Variants in CDC73 observed in about 807,000 individuals in gnomAD.
The protein encoded by CDC73 is parafibromin.
A neutral mutation model predicts 83.7 loss-of-function variants in CDC73; 21 were observed. The ratio of observed to expected loss-of-function variants is 0.25; its 90% confidence interval spans 0.18 to 0.36. CDC73 has a LOEUF of 0.36. Ranked by LOEUF, CDC73 falls within the 10% of genes least tolerant of loss-of-function variation. The probability of loss-of-function intolerance (pLI) is 1.00; values close to 1 mark genes in which losing one functional copy is unlikely to be tolerated. For missense variants in CDC73, 342 were observed against 653.3 expected (o/e 0.52, Z 5.19); for synonymous variants, 224 against 212.9 (o/e 1.05, Z -0.45).
chr1:193,198,176 A>G (rs1429213944), intron 10 of CDC73, among the ~76,000 whole-genome samples: 1 of 152,178 alleles, frequency 6.6e-6, no homozygotes, highest in African/African-American at 2.4e-5. Flanking sequence ...TCTGATGGGA[A>G]GTAAAGTACC....
rs771409544 is a variant in CDC73, at chr1:193,236,280, G to A, written c.1341G>A (p.Val447=). The change falls in exon 15 of 17, where the codon GTG becomes GTA. Residue 447 remains valine, a synonymous_variant. Coordinates refer to ENST00000367435, the MANE Select transcript of CDC73 (RefSeq NM_024529.5). ...GGGACCGCGTTGTAGCCGTTTTTGT[G>A]CAGGGTCCTGCATGGCAGTTCAAAG... ...QDWDRVVAVF[V]QGPAWQFKGW... is the part of the protein sequence containing the mutation. 1.9e-6 allele frequency: 3 copies of A among 1,613,848 alleles called. No homozygotes were observed. Among genetic ancestry groups the A allele is most frequent in the Admixed American group, 1.7e-5 (1 of 60,020 alleles).
intron 13 of CDC73, among the ~76,000 whole-genome samples, chr1:193,229,012 T>C (rs1473724747): frequency 6.6e-6 from 1 of 152,102 alleles, no homozygotes; most frequent in East Asian, 1.9e-4. Context: ...TGAAAAAAAT[T>C]CTCAGTATCA....
In CDC73 at chr1:193,147,632, G is replaced by A. The variant is rs1408560019; in HGVS notation, c.730-235G>A. Among the ~76,000 whole-genome samples, 5 of 152,028 alleles carry A rather than the reference G, an allele frequency of 3.3e-5. 1 individual carries two copies. Among genetic ancestry groups the A allele is most frequent in the South Asian group, 4.1e-4 (2 of 4,836 alleles). Reference sequence around the variant, plus strand: ...ATCTGCCTGCCTTGGCCTCCCGAATGTAGCAGTTTAAGTAAAATGAAAATG... The same window carrying A: ...ATCTGCCTGCCTTGGCCTCCCGAATATAGCAGTTTAAGTAAAATGAAAATG... On this transcript the variant is annotated intron_variant, in intron 7 of 16. Transcript: ENST00000367435.
At chr1:193,205,204 C>CG (rs1357811031) in intron 11 of CDC73, among the ~76,000 whole-genome samples, 9 of 122,382 alleles carry the variant, frequency 7.4e-5, no homozygotes, top group Admixed American at 3.2e-4. Flanking sequence ...GTCCCCCCCC[C>CG]CCCCTTTTTT....
intron 13 of CDC73, among the ~76,000 whole-genome samples, chr1:193,225,928 A>C (rs1395392534): frequency 6.6e-6 from 1 of 151,920 alleles, no homozygotes; most frequent in East Asian, 1.9e-4. Context: ...AGCCATTTAT[A>C]TTTGTTTTTA....
rs371409839 is a variant in CDC73, at chr1:193,131,572, A to G, written c.307+1329A>G. Among the ~76,000 whole-genome samples the G allele has an allele frequency of 1.1e-4, 17 of 152,194 alleles. No homozygotes were observed. In the East Asian group the frequency reaches 3.1e-3, roughly 28 times the overall value. ...CCATCACTCTTAGAATAAAACTCATACTTGTTACCCTGGCAGTCATCTTGC... is the reference window on the plus strand; with the variant it reads ...CCATCACTCTTAGAATAAAACTCATGCTTGTTACCCTGGCAGTCATCTTGC... On this transcript the variant is annotated intron_variant, in intron 3 of 16. Transcript: ENST00000367435.
At chr1:193,218,880 C>G (rs1677414453) in intron 13 of CDC73, among the ~76,000 whole-genome samples, 1 of 152,142 alleles carries the variant, frequency 6.6e-6, no homozygotes, top group Non-Finnish European at 1.5e-5. Flanking sequence ...TCTTCAAAAG[C>G]AAATGCAGCA....
intron 11 of CDC73, among the ~76,000 whole-genome samples, chr1:193,206,579 G>A (rs1045907134): frequency 6.6e-6 from 1 of 152,148 alleles, no homozygotes; most frequent in Non-Finnish European, 1.5e-5. Context: ...TTTAATATCT[G>A]ACATGTACAC....
chr1:193,206,342 CT>C (rs1322493232), intron 11 of CDC73, among the ~76,000 whole-genome samples: 1 of 152,202 alleles, frequency 6.6e-6, no homozygotes, highest in Non-Finnish European at 1.5e-5. Flanking sequence ...TGTGAACTTT[CT>C]GCTTTCTACT....
intron 10 of CDC73, among the ~76,000 whole-genome samples, chr1:193,194,659 A>G (rs148486567): frequency 5.1e-4 from 78 of 152,262 alleles, no homozygotes; most frequent in African/African-American, 1.5e-3. Flanking sequence ...CATTATAGAC[A>G]TGCTTGGATT....
In CDC73 at chr1:193,122,712, A is replaced by T. The variant is rs967456478; in HGVS notation, c.131+381A>T. Among the ~76,000 whole-genome samples the T allele has an allele frequency of 2.7e-5, 4 of 148,334 alleles. No individual in the cohort carries two copies. The East Asian group carries it at 5.9e-4, about 22-fold the overall frequency. On this transcript the variant is annotated intron_variant, in intron 1 of 16. Transcript: ENST00000367435. ...CCGTAGACGCCTCTTTTTGTTCTTT[A>T]TTTTTTTTTTCTCTTTTCCAGGCTG...
At chr1:193,177,706 G>GAA (rs1676633368) in intron 10 of CDC73, among the ~76,000 whole-genome samples, 1 of 152,090 alleles carries the variant, frequency 6.6e-6, no homozygotes, top group African/African-American at 2.4e-5. Flanking sequence ...CATACTGCTT[G>GAA]TACAATCAGT....
rs1243817757 is a variant in CDC73 at position 193,161,638 on chromosome 1, T to TA, written c.972+9195dup. 5.0e-5 allele frequency among the ~76,000 whole-genome samples: 5 copies of TA among 100,390 alleles called. 1 individual carries two copies. In the East Asian group the frequency reaches 7.3e-4, roughly 15 times the overall value. 65.9% of individuals were successfully genotyped at this position (100,390 alleles called of 152,430 possible). On this transcript the variant is annotated intron_variant, in intron 10 of 16. Transcript: ENST00000367435. ...TATATTATATGATAGATATATAATA[T>TA]ATTATATAATATATAATATATTATA...
chr1:193,230,688 T>G (rs919438803), intron 13 of CDC73, among the ~76,000 whole-genome samples: 1 of 152,102 alleles, frequency 6.6e-6, no homozygotes, highest in Non-Finnish European at 1.5e-5. Context: ...GGCAGTAGTT[T>G]TTTCCTTTCA....
At chr1:193,141,800 A>G in intron 6 of CDC73, 50 bp from the exon 7 acceptor site, 1 of 1,116,654 alleles carries the variant, frequency 9.0e-7, no homozygotes, top group Non-Finnish European at 1.3e-6. Flanking sequence ...TATTTATGAT[A>G]CACTCCAGGA....
intron 13 of CDC73, among the ~76,000 whole-genome samples, chr1:193,215,727 C>CTG (rs1487866136): frequency 6.6e-6 from 1 of 151,692 alleles, no homozygotes; most frequent in Non-Finnish European, 1.5e-5. Context: ...GTAGCTGGGA[C>CTG]TACAGGTGTG....
At chr1:193,219,159 A>G (rs1677420108) in intron 13 of CDC73, among the ~76,000 whole-genome samples, 1 of 152,256 alleles carries the variant, frequency 6.6e-6, no homozygotes, top group South Asian at 2.1e-4. Context: ...TAATCATTAG[A>G]GAAATGCAAA....
intron 10 of CDC73, chr1:193,179,722 T>A (rs1003733025): frequency 5.9e-5 from 9 of 152,570 alleles, no homozygotes; most frequent in African/African-American, 2.2e-4. Flanking sequence ...CAGTTATTTT[T>A]AAAAAGTAAA....
At chr1:193,191,834 C>T (rs1191901945) in intron 10 of CDC73, among the ~76,000 whole-genome samples, 3 of 151,954 alleles carry the variant, frequency 2.0e-5, no homozygotes, top group Admixed American at 6.6e-5. Context: ...ATACTTGTTC[C>T]ATGTAAAGTA....
Sources: gnomAD v4.1 joint callset for allele counts (sites outside exome capture counted in the v4.1 genomes callset) on GRCh38, gnomAD v4.1.1 for gene constraint, MANE v1.5 for transcripts, NCBI Gene and HGNC (gene_info 2026-07-23, HGNC 2026-07-21) for gene names.